The following COL19A1 variants were observed in gnomAD, a reference collection of about 807,000 sequenced individuals.
COL19A1 encodes the protein collagen alpha-1(XIX) chain.
COL19A1 carries 159 observed loss-of-function variants against 190.2 expected under a neutral mutation model. The ratio of observed to expected loss-of-function variants is 0.84; its 90% CI spans 0.73 to 0.95. The LOEUF is 0.95. Among genes scored for constraint, COL19A1 ranks in the 40% least tolerant of loss-of-function variants. The pLI is 0.00. For missense variants in COL19A1, 1,418 were observed against 1,431.9 expected, an observed-to-expected ratio of 0.99 and a Z score of 0.16; for synonymous variants, 509 against 458.9, an observed-to-expected ratio of 1.11 and a Z score of -1.39.
chr6:70,031,159 T>C (rs964100816), intron 12 of COL19A1, among the ~76,000 whole-genome samples: 1 of 152,122 alleles, frequency 6.6e-6, no homozygotes, highest in African/African-American at 2.4e-5. Flanking sequence ...TGTGTGCTCA[T>C]GACACTCCTT....
rs185790696 is a variant in COL19A1, at chr6:70,029,962, A to G, written c.1081-4283A>G. 2.8e-3 allele frequency among the ~76,000 whole-genome samples: 423 copies of G among 152,266 alleles called. 8 individuals carry two copies. The highest frequency in any genetic ancestry group is 9.0e-4 in the Non-Finnish European group (61 of 68,014). ...AGAACAACCCTTCAAGAAAACTATT[A>G]CTTATTATACCTATTTTATAGGAAA... On this transcript the variant is annotated intron_variant, in intron 12 of 50. Coordinates refer to ENST00000620364, the MANE Select transcript of COL19A1 (RefSeq NM_001858.6).
intron 42 of COL19A1, among the ~76,000 whole-genome samples, chr6:70,177,905 A>G (rs1166786604): frequency 6.6e-6 from 1 of 152,234 alleles, no homozygotes; most frequent in Admixed American, 6.5e-5. Flanking sequence ...TTCTAGGAAA[A>G]AATACTGGCC....
intron 11 of COL19A1, among the ~76,000 whole-genome samples, chr6:69,969,995 C>G (rs1775330122): frequency 6.6e-6 from 1 of 152,116 alleles, no homozygotes; most frequent in Admixed American, 6.5e-5. Flanking sequence ...GCCCCCACCT[C>G]CATCACCACC....
intron 31 of COL19A1, among the ~76,000 whole-genome samples, chr6:70,153,890 A>G (rs1787256143): frequency 6.6e-6 from 1 of 152,084 alleles, no homozygotes; most frequent in Admixed American, 6.6e-5. Flanking sequence ...GAAACATTGC[A>G]TATAACCCTA....
Position 70,144,263 on chromosome 6 carries a change from G to C in COL19A1, c.1680G>C (p.Lys560Asn), listed in dbSNP as rs34661203. 40 of 1,611,064 alleles carry C rather than the reference G, an allele frequency of 2.5e-5. No homozygotes were observed. The African/African-American group carries it at 5.2e-4, about 21-fold the overall frequency. The stretch of plus-strand genomic sequence containing the variant: ...GAAAACAAGGCATTAAAGGAGAAAA[G>C]GTATAGTTTACATTTTCCTCATTTT... ...IPGKQGIKGE[K>N]GDPGGIIGPP... The change falls in exon 24 of 51, where the codon AAG (lysine) becomes AAC (asparagine). Residue 560 changes from lysine (K) to asparagine (N), a missense_variant and splice_region_variant. Lys to Asn is a moderately conservative substitution (Grantham distance 94). Coordinates refer to ENST00000620364, the MANE Select transcript of COL19A1 (RefSeq NM_001858.6).
intron 4 of COL19A1, among the ~76,000 whole-genome samples, chr6:69,906,877 G>A (rs1435746526): frequency 6.6e-6 from 1 of 152,028 alleles, no homozygotes. Flanking sequence ...ATAATCTTTA[G>A]CAAGTAGGAA....
At chr6:69,956,952 T>G (rs1021470058) in intron 9 of COL19A1, among the ~76,000 whole-genome samples, 6 of 151,834 alleles carry the variant, frequency 4.0e-5, no homozygotes. Context: ...GTCTAACTGT[T>G]AAAAAAAATC....
At chr6:70,187,777 G>C (rs2150294126) in intron 46 of COL19A1, among the ~76,000 whole-genome samples, 1 of 151,886 alleles carries the variant, frequency 6.6e-6, no homozygotes, top group African/African-American at 2.4e-5. Context: ...ATCCTAGATG[G>C]GCAACCAAGC....
At chr6:70,079,374 A>C (rs1034489388) in intron 15 of COL19A1, among the ~76,000 whole-genome samples, 1 of 152,180 alleles carries the variant, frequency 6.6e-6, no homozygotes, top group Non-Finnish European at 1.5e-5. Context: ...GAGTAGAAGA[A>C]CCAAGTTTAC....
At chr6:69,955,183 A>C (rs1774337373) in intron 9 of COL19A1, among the ~76,000 whole-genome samples, 2 of 152,128 alleles carry the variant, frequency 1.3e-5, no homozygotes, top group South Asian at 4.1e-4. Flanking sequence ...TGACACTTTC[A>C]GGAAATCATC....
chr6:69,899,313 TG>T (rs1021509136), intron 3 of COL19A1, among the ~76,000 whole-genome samples: 1 of 151,878 alleles, frequency 6.6e-6, no homozygotes, highest in African/African-American at 2.4e-5. Flanking sequence ...TACAGGCACA[TG>T]GCTATTTTTT....
intron 11 of COL19A1, among the ~76,000 whole-genome samples, chr6:69,990,738 T>C (rs1368119729): frequency 6.6e-6 from 1 of 152,080 alleles, no homozygotes; most frequent in Non-Finnish European, 1.5e-5. Flanking sequence ...AATTGTATGG[T>C]GGTGTGTGCC....
chr6:70,201,650 C>T (rs2150308463), intron 49 of COL19A1, among the ~76,000 whole-genome samples: 1 of 152,284 alleles, frequency 6.6e-6, no homozygotes, highest in South Asian at 2.1e-4. Flanking sequence ...TCTCCTTAAC[C>T]TTTACATAAT....
intron 16 of COL19A1, among the ~76,000 whole-genome samples, chr6:70,107,780 T>G (rs918651461): frequency 6.6e-6 from 1 of 152,166 alleles, no homozygotes; most frequent in Non-Finnish European, 1.5e-5. Context: ...AACAACCAGG[T>G]CTAAAGAGTC....
At chr6:69,974,957 T>C (rs1775633970) in intron 11 of COL19A1, among the ~76,000 whole-genome samples, 1 of 151,600 alleles carries the variant, frequency 6.6e-6, no homozygotes, top group African/African-American at 2.4e-5. Flanking sequence ...GGACTACAGG[T>C]GCCTGCCACC....
At chr6:70,195,010 A>C (rs1420038331) in intron 48 of COL19A1, among the ~76,000 whole-genome samples, 1 of 150,690 alleles carries the variant, frequency 6.6e-6, no homozygotes, top group Admixed American at 6.6e-5. Flanking sequence ...AATATGTATG[A>C]TCCTATTTTC....
At chr6:70,026,443 C>T (rs1169303843) in intron 12 of COL19A1, among the ~76,000 whole-genome samples, 1 of 152,310 alleles carries the variant, frequency 6.6e-6, no homozygotes, top group Admixed American at 6.5e-5. Context: ...ATTCCTTTAG[C>T]ACCGTTATTG....
intron 48 of COL19A1, among the ~76,000 whole-genome samples, chr6:70,198,738 A>T (rs1767364868): frequency 1.3e-5 from 2 of 152,214 alleles, no homozygotes; most frequent in Non-Finnish European, 2.9e-5. Flanking sequence ...GTGGCTTAAA[A>T]CATTTATCTT....
At chr6:69,917,044 G>A (rs188701320) in intron 4 of COL19A1, among the ~76,000 whole-genome samples, 75 of 152,290 alleles carry the variant, frequency 4.9e-4, no homozygotes, top group Admixed American at 1.7e-3. Flanking sequence ...TAGGAGTATA[G>A]AACTACAGGA....
Sources: allele counts gnomAD v4.1 joint callset (sites outside exome capture counted in the v4.1 genomes callset), GRCh38; gene constraint gnomAD v4.1.1; transcripts MANE v1.5; gene names NCBI Gene and HGNC (gene_info 2026-07-23, HGNC 2026-07-21).